Variants in DSC3 observed in about 807,000 individuals in gnomAD.
DSC3 encodes desmocollin 3, also known as desmocollin-3.
A neutral mutation model predicts 89.5 loss-of-function variants in DSC3; 97 were observed. The observed-to-expected ratio is 1.08, with a 90% confidence interval of 0.92 to 1.28. DSC3 has a LOEUF of 1.28. Ranked by LOEUF, DSC3 falls within the 50% of genes most tolerant of loss-of-function variation. The probability of loss-of-function intolerance (pLI) is 0.00; values close to 1 mark genes in which losing one functional copy is unlikely to be tolerated. For missense variants in DSC3, 1,199 were observed against 1,085.3 expected (o/e 1.10, Z -1.47); for synonymous variants, 436 against 384.1 (o/e 1.14, Z -1.58).
chr18:31,024,431 G>A lies in DSC3; in HGVS notation c.693C>T (p.Ile231=), dbSNP rs1002742715. The A allele has an allele frequency of 6.2e-7, 1 of 1,611,594 alleles. No individual in the cohort carries two copies. Among genetic ancestry groups the A allele is most frequent in the Admixed American group, 1.7e-5 (1 of 59,816 alleles). ...GGTTGTCATTTTCATCCTCTACCCT[G>A]ATGGGTAGTGGGAGGGGCAGATCTG... ...YSADLPLPLP[I]RVEDENDNHP... The change falls in exon 6 of 16, where the codon ATC becomes ATT. Residue 231 remains isoleucine (I), a synonymous_variant. Coordinates refer to ENST00000360428, the MANE Select transcript of DSC3 (RefSeq NM_001941.5).
At chr18:31,028,183 C>CAAACTATCTAA (rs1985663259) in intron 4 of DSC3, among the ~76,000 whole-genome samples, 1 of 152,044 alleles carries the variant, frequency 6.6e-6, no homozygotes, top group Non-Finnish European at 1.5e-5. Flanking sequence ...TGACTGAGCC[C>CAAACTATCTAA]TGGAGCTCTC....
At chr18:31,040,089 T>A (rs1239021852) in intron 1 of DSC3, among the ~76,000 whole-genome samples, 1 of 152,094 alleles carries the variant, frequency 6.6e-6, no homozygotes. Flanking sequence ...AATATAAAAA[T>A]TTGGATGCCT....
chr18:31,022,555 T>C, intron 6 of DSC3, 53 bp from the exon 7 acceptor site: 1 of 1,587,194 alleles, frequency 6.3e-7, no homozygotes, highest in South Asian at 1.1e-5. Flanking sequence ...TTAAATATAC[T>C]TTCAAAAGTA....
rs11876564 is a variant in DSC3 at position 31,019,699 on chromosome 18, C to A, written c.943-899G>T. 1.4e-3 allele frequency among the ~76,000 whole-genome samples: 213 copies of A among 152,176 alleles called. 1 individual carries two copies. Among genetic ancestry groups the A allele is most frequent in the Non-Finnish European group, 2.1e-3 (144 of 68,002 alleles). On this transcript the variant is annotated intron_variant, in intron 7 of 15. Coordinates refer to ENST00000360428, the MANE Select transcript of DSC3 (RefSeq NM_001941.5). Reference sequence around the variant, plus strand: ...TCCCAAGCTACTTGAGGTGCTGAGGCGGATGGACCCTTGAGTGGGAGTTTG... The same window carrying A: ...TCCCAAGCTACTTGAGGTGCTGAGGAGGATGGACCCTTGAGTGGGAGTTTG...
Position 31,004,378 on chromosome 18 carries a change from TA to T in DSC3, c.1889-13del, listed in dbSNP as rs1331852757. On this transcript the variant is annotated splice_polypyrimidine_tract_variant and intron_variant, in intron 12 of 15. Transcript: ENST00000360428. ...ACGGGCAGCTGTATCTGAAAGAAAA[TA>T]AAAGAAGTTTATTTTTTAATGATCA... is the stretch of plus-strand genomic sequence containing the variant. 6.2e-7 allele frequency: 1 copy of T among 1,607,454 alleles called. No individual in the cohort carries two copies. Among genetic ancestry groups the T allele is most frequent in the East Asian group, 2.2e-5 (1 of 44,852 alleles).
At chr18:30,997,143 T>TATTCATTC in intron 14 of DSC3, 95 bp from the exon 15 acceptor site, 3 of 1,409,800 alleles carry the variant, frequency 2.1e-6, no homozygotes, top group Non-Finnish European at 3.0e-6. Context: ...TTCAACCTTT[T>TATTCATTC]ATTCATTCAT....
chr18:31,021,891 T>G (rs1231492636), intron 7 of DSC3, among the ~76,000 whole-genome samples: 4 of 152,112 alleles, frequency 2.6e-5, no homozygotes, highest in Non-Finnish European at 5.9e-5. Flanking sequence ...TCCAAAAAAG[T>G]GTTTCATATT....
At chr18:31,018,366 T>G in intron 8 of DSC3, 110 bp from the exon 9 acceptor site, 2 of 854,876 alleles carry the variant, frequency 2.3e-6, no homozygotes, top group Non-Finnish European at 3.5e-6. Context: ...ATATAGATTA[T>G]TTTAAAACTA....
intron 1 of DSC3, 21 bp from the exon 2 acceptor site, chr18:31,032,297 T>G (rs1375547233): frequency 7.8e-6 from 12 of 1,544,790 alleles, no homozygotes; most frequent in Admixed American, 3.3e-5. Context: ...AAAGGTCACA[T>G]TAATACAGTA....
intron 9 of DSC3, among the ~76,000 whole-genome samples, chr18:31,011,408 C>T (rs1323830699): frequency 6.6e-6 from 1 of 152,108 alleles, no homozygotes; most frequent in Non-Finnish European, 1.5e-5. Flanking sequence ...TAAAAGTATA[C>T]CAGAGCAATT....
chr18:31,037,681 C>A (rs1171475274), intron 1 of DSC3, among the ~76,000 whole-genome samples: 1 of 152,174 alleles, frequency 6.6e-6, no homozygotes, highest in South Asian at 2.1e-4. Context: ...GCAGGCGGAT[C>A]ATGAGGTCAG....
At chr18:31,004,005 C>G in intron 13 of DSC3, 137 bp downstream of exon 13, 1 of 653,440 alleles carries the variant, frequency 1.5e-6, no homozygotes, top group East Asian at 2.7e-5. Context: ...AAACACAACT[C>G]AGGTAATAAT....
At chr18:30,997,845 G>C (rs924988497) in intron 14 of DSC3, among the ~76,000 whole-genome samples, 1 of 152,188 alleles carries the variant, frequency 6.6e-6, no homozygotes, top group Non-Finnish European at 1.5e-5. Flanking sequence ...ACTAGTAGGA[G>C]TGGGACAAAC....
At chr18:31,042,344 C>G (rs757118016) in intron 1 of DSC3, among the ~76,000 whole-genome samples, 1 of 152,202 alleles carries the variant, frequency 6.6e-6, no homozygotes, top group Non-Finnish European at 1.5e-5. Flanking sequence ...AGCCTGAGCG[C>G]GACTCAGAAT....
At chr18:30,996,726 G>A in intron 15 of DSC3, 65 bp downstream of exon 15, 1 of 1,589,492 alleles carries the variant, frequency 6.3e-7, no homozygotes, top group South Asian at 1.1e-5. Context: ...ATGTTAATTT[G>A]AATTGTCTAT....
At chr18:31,035,803 A>G (rs969014601) in intron 1 of DSC3, among the ~76,000 whole-genome samples, 1 of 151,936 alleles carries the variant, frequency 6.6e-6, no homozygotes, top group Admixed American at 6.6e-5. Context: ...TATATTTCCA[A>G]CTCTTCTCCA....
At chr18:31,028,007 G>T (rs1481569334) in intron 4 of DSC3, among the ~76,000 whole-genome samples, 1 of 152,052 alleles carries the variant, frequency 6.6e-6, no homozygotes, top group African/African-American at 2.4e-5. Flanking sequence ...ATTTCCATAA[G>T]TTTAGTTTGA....
chr18:31,005,779 G>A (rs989284617), intron 12 of DSC3, among the ~76,000 whole-genome samples: 1 of 152,122 alleles, frequency 6.6e-6, no homozygotes, highest in African/African-American at 2.4e-5. Flanking sequence ...TAATACAACA[G>A]GAAAGGCACT....
In DSC3 at chr18:31,035,684, C is replaced by CATA. The variant is rs138114900; in HGVS notation, c.70-3411_70-3409dup. Among the ~76,000 whole-genome samples the CATA allele has an allele frequency of 8.7e-3, 1,325 of 151,872 alleles. 25 individuals carry two copies. The highest frequency in any genetic ancestry group is 0.03 in the African/African-American group (1,242 of 41,528). ...TGTGAAATATTTAAATCAATTAAAT[C>CATA]ATAAATGCTCAGTGCCCATCTAGAT... On this transcript the variant is annotated intron_variant, in intron 1 of 15. Transcript: ENST00000360428.
Sources: allele counts gnomAD v4.1 joint callset (sites outside exome capture counted in the v4.1 genomes callset), GRCh38; gene constraint gnomAD v4.1.1; transcripts MANE v1.5; gene names NCBI Gene and HGNC (gene_info 2026-07-23, HGNC 2026-07-21).